Variants in ARCN1 observed in about 807,000 individuals in gnomAD.
ARCN1 encodes the protein archain 1 coat protein complex I subunit delta.
Under a neutral mutation model 60.4 loss-of-function variants are expected in ARCN1, and 5 were observed. The observed-to-expected ratio is 0.08, with a 90% CI of 0.04 to 0.17. ARCN1 has a LOEUF of 0.17. Among genes scored for constraint, ARCN1 ranks in the 10% least tolerant of loss-of-function variants. The pLI, the probability that ARCN1 is intolerant of heterozygous loss-of-function variation, is 1.00. For missense variants in ARCN1, 464 were observed against 626.5 expected (o/e 0.74, Z 2.77); for synonymous variants, 224 against 220.0 (o/e 1.02, Z -0.16).
intron 1 of ARCN1, among the ~76,000 whole-genome samples, chr11:118,577,929 G>A (rs117375104): frequency 0.012 from 1,763 of 152,202 alleles, 17 homozygotes; most frequent in Non-Finnish European, 0.018. Context: ...GCCAAGGCGC[G>A]CAGATGACTT....
chr11:118,573,266 A>C (rs1938397069), intron 1 of ARCN1, among the ~76,000 whole-genome samples: 1 of 152,188 alleles, frequency 6.6e-6, no homozygotes, highest in South Asian at 2.1e-4. Context: ...CAAGGAACTT[A>C]TTGTCCAGGT....
intron 5 of ARCN1, among the ~76,000 whole-genome samples, chr11:118,589,995 C>G (rs1274629032): frequency 6.6e-6 from 1 of 151,274 alleles, no homozygotes; most frequent in Non-Finnish European, 1.5e-5. Flanking sequence ...TTTTTCTTTT[C>G]TTTTCTTTTT....
Position 118,602,754 on chromosome 11 carries a change from A to AT in ARCN1, c.*2046dup, listed in dbSNP as rs1381004433. 6.5e-6 allele frequency: 1 copy of AT among 153,722 alleles called. No individual in the cohort carries two copies. 9.5% of individuals were successfully genotyped at this position (153,722 alleles called of 1,614,324 possible). On this transcript the variant is annotated 3_prime_UTR_variant, in exon 10 of 10. Coordinates refer to ENST00000264028, the MANE Select transcript of ARCN1 (RefSeq NM_001655.5). ...TGTTTGAAAGTTGTTTGTCCGTATG[A>AT]TTTTTTAAAAGTCAAGTTTAATTTC...
intron 9 of ARCN1, 59 bp from the exon 10 acceptor site, chr11:118,600,566 G>C (rs1591394146): frequency 8.6e-7 from 1 of 1,168,028 alleles, no homozygotes; most frequent in East Asian, 2.4e-5. Flanking sequence ...TGAGAATGTA[G>C]TCAACATGAT....
chr11:118,599,767 G>A (rs1555077840), intron 9 of ARCN1, among the ~76,000 whole-genome samples: 7 of 152,092 alleles, frequency 4.6e-5, no homozygotes. Context: ...CTAGGACCCA[G>A]TTTATATTAT....
rs1179195532 is a variant in ARCN1, at chr11:118,581,929, G to GACACAC, written c.267+423_267+424insCACACA. Among the ~76,000 whole-genome samples the GACACAC allele has an allele frequency of 8.4e-4, 111 of 132,372 alleles. 4 individuals carry two copies. The East Asian group carries it at 8.5e-3, about 10-fold the overall frequency. 86.8% of individuals were successfully genotyped at this position (132,372 alleles called of 152,430 possible). On this transcript the variant is annotated intron_variant, in intron 2 of 9. Coordinates refer to ENST00000264028, the MANE Select transcript of ARCN1 (RefSeq NM_001655.5). The stretch of plus-strand genomic sequence containing the variant: ...AGACTTACTGATCCAGAGACAGACA[G>GACACAC]ACAGACAGACACACACACACACACA...
At chr11:118,573,808 T>G (rs1938416677) in intron 1 of ARCN1, 1 of 500,666 alleles carries the variant, frequency 2.0e-6, no homozygotes, top group Non-Finnish European at 3.6e-6. Flanking sequence ...TCAAACAGGT[T>G]TGCCTCCTAA....
At chr11:118,575,113 G>A (rs2135529546) in intron 1 of ARCN1, among the ~76,000 whole-genome samples, 1 of 152,156 alleles carries the variant, frequency 6.6e-6, no homozygotes, top group African/African-American at 2.4e-5. Context: ...TGAGTAGCTG[G>A]GACTGCAGGC....
rs1555075087 is a variant in ARCN1 at position 118,584,013 on chromosome 11, A to G, written c.652A>G (p.Arg218Gly). 1 of 1,613,968 alleles carries G rather than the reference A, an allele frequency of 6.2e-7. No individual in the cohort carries two copies. Among genetic ancestry groups the G allele is most frequent in the African/African-American group, 1.3e-5 (1 of 74,952 alleles). ...ACCAAAAGTGGCACCTGCACCAGCC[A>G]GGTATAATCCAGTGTACTTTAGAAT... ...DKPKVAPAPA[R>G]PSGPSKALKL... The change falls in exon 4 of 10, where the codon AGG becomes GGG. Residue 218 changes from arginine (R) to glycine (G), a missense_variant and splice_region_variant. Transcript: ENST00000264028.
intron 1 of ARCN1, 48 bp from the exon 2 acceptor site, chr11:118,581,198 A>G: frequency 6.3e-7 from 1 of 1,599,940 alleles, no homozygotes; most frequent in Non-Finnish European, 8.6e-7. Flanking sequence ...CTGAGAAAAC[A>G]GATGTGAAGA....
rs1419185739 is a variant in ARCN1, at chr11:118,600,789, T to C, written c.*75T>C. The stretch of plus-strand genomic sequence containing the variant: ...ACGCCAATGATGGCTGAAGAGTTTT[T>C]CCCAGATTTACAAGCCACTGGAGAC... On this transcript the variant is annotated 3_prime_UTR_variant, in exon 10 of 10. Coordinates refer to ENST00000264028, the MANE Select transcript of ARCN1 (RefSeq NM_001655.5). The C allele has an allele frequency of 4.5e-6, 5 of 1,121,138 alleles. No individual in the cohort carries two copies. In the East Asian group the frequency reaches 7.4e-5, roughly 17 times the overall value. 69.4% of individuals were successfully genotyped at this position (1,121,138 alleles called of 1,614,324 possible).
intron 1 of ARCN1, among the ~76,000 whole-genome samples, chr11:118,577,745 CAGAA>C (rs1397079170): frequency 6.6e-6 from 1 of 152,180 alleles, no homozygotes; most frequent in Non-Finnish European, 1.5e-5. Flanking sequence ...TCTTAATTCT[CAGAA>C]AGCATGTTGT....
chr11:118,589,023 C>G (rs1555075870), intron 5 of ARCN1, among the ~76,000 whole-genome samples: 1 of 113,562 alleles, frequency 8.8e-6, no homozygotes, highest in East Asian at 7.8e-4. Context: ...TATCTCAAAA[C>G]AACAACAACA....
Position 118,592,906 on chromosome 11 carries a change from A to T in ARCN1, c.1132+50A>T, listed in dbSNP as rs782120428. On this transcript the variant is annotated intron_variant, in intron 7 of 9. Coordinates refer to ENST00000264028, the MANE Select transcript of ARCN1 (RefSeq NM_001655.5). Reference sequence around the variant, plus strand: ...TAAGCTAGTTTGCATTGAGAACTAGAAATAGCCCTTGCTGGTACACTTTTA... The same window carrying T: ...TAAGCTAGTTTGCATTGAGAACTAGTAATAGCCCTTGCTGGTACACTTTTA... 96 of 1,521,784 alleles carry T rather than the reference A, an allele frequency of 6.3e-5. No individual in the cohort carries two copies. The South Asian group carries it at 1.1e-3, about 18-fold the overall frequency. The allele number at this position is 1,521,784 out of a possible 1,614,324, so 94.3% of individuals were successfully genotyped here.
At chr11:118,588,873 C>T (rs1447310378) in intron 5 of ARCN1, among the ~76,000 whole-genome samples, 1 of 152,074 alleles carries the variant, frequency 6.6e-6, no homozygotes, top group Non-Finnish European at 1.5e-5. Flanking sequence ...CAAAAATGAA[C>T]CGGGCGTGGT....
At chr11:118,577,974 G>A (rs1244103763) in intron 1 of ARCN1, among the ~76,000 whole-genome samples, 2 of 152,006 alleles carry the variant, frequency 1.3e-5, no homozygotes, top group African/African-American at 4.8e-5. Flanking sequence ...TGCCCAACAT[G>A]GCAAAACCCT....
intron 1 of ARCN1, among the ~76,000 whole-genome samples, chr11:118,575,154 A>G (rs1938461027): frequency 1.3e-5 from 2 of 151,844 alleles, no homozygotes; most frequent in South Asian, 2.1e-4. Context: ...ACTTTTTTGT[A>G]TTTTTAGTAG....
chr11:118,592,778 T>A lies in ARCN1; in HGVS notation c.1054T>A (p.Ser352Thr), dbSNP rs376911520. 2.4e-5 allele frequency: 39 copies of A among 1,613,934 alleles called. No individual in the cohort carries two copies. Among genetic ancestry groups the A allele is most frequent in the Non-Finnish European group, 2.8e-5 (33 of 1,179,970 alleles). Residue 352 changes from serine (S) to threonine (T), a missense_variant, in exon 7 of 10, where the codon TCA becomes ACA. Coordinates refer to ENST00000264028, the MANE Select transcript of ARCN1 (RefSeq NM_001655.5). Reference sequence around the variant, plus strand: ...AATTGGCCTGAAGAATCCAGAGAAGTCATTTCCAGTCAACAGTGACGTAGG... The same window carrying A: ...AATTGGCCTGAAGAATCCAGAGAAGACATTTCCAGTCAACAGTGACGTAGG... ...SLIGLKNPEK[S>T]FPVNSDVGVL...
chr11:118,596,713 G>A (rs1341577176), intron 8 of ARCN1, among the ~76,000 whole-genome samples: 1 of 152,134 alleles, frequency 6.6e-6, no homozygotes, highest in African/African-American at 2.4e-5. Context: ...CCGTGTGTAG[G>A]GGTGCAGAGT....
Sources: gnomAD v4.1 joint callset for allele counts (sites outside exome capture counted in the v4.1 genomes callset) on GRCh38, gnomAD v4.1.1 for gene constraint, MANE v1.5 for transcripts, NCBI Gene and HGNC (gene_info 2026-07-23, HGNC 2026-07-21) for gene names.